IMPG2: variants seen among roughly 807,000 people sequenced by gnomAD.
IMPG2 encodes the protein interphotoreceptor matrix proteoglycan 2, also known as IPM 200.
A neutral mutation model predicts 129.2 loss-of-function variants in IMPG2; 91 were observed. The observed-to-expected ratio is 0.70, with a 90% CI of 0.59 to 0.84. The LOEUF (loss-of-function observed/expected upper bound fraction) is 0.84, where lower values mean the gene tolerates loss of function less well. Among genes scored for constraint, IMPG2 ranks in the 40% least tolerant of loss-of-function variants. The pLI is 0.00. For synonymous variants in IMPG2, 510 were observed against 517.7 expected (o/e 0.99, Z 0.20); for missense variants, 1,430 against 1,461.7 (o/e 0.98, Z 0.35).
intron 18 of IMPG2, among the ~76,000 whole-genome samples, chr3:101,227,197 T>C (rs1332728299): frequency 1.3e-5 from 2 of 152,168 alleles, no homozygotes; most frequent in Non-Finnish European, 2.9e-5. Flanking sequence ...TCAACTCCAT[T>C]AACATTTTTT....
intron 4 of IMPG2, among the ~76,000 whole-genome samples, chr3:101,287,545 T>C (rs1706961159): frequency 6.6e-6 from 1 of 151,894 alleles, no homozygotes; most frequent in African/African-American, 2.4e-5. Context: ...AACAGACAAA[T>C]AGACCAATGG....
At chr3:101,260,586 C>A (rs1452249284) in intron 9 of IMPG2, among the ~76,000 whole-genome samples, 1 of 152,132 alleles carries the variant, frequency 6.6e-6, no homozygotes, top group South Asian at 2.1e-4. Context: ...ACCATAGGCA[C>A]CTGCTCTGGT....
At chr3:101,238,301 A>G (rs1273915554) in intron 14 of IMPG2, among the ~76,000 whole-genome samples, 1 of 152,172 alleles carries the variant, frequency 6.6e-6, no homozygotes, top group African/African-American at 2.4e-5. Context: ...AGTCTGCAGG[A>G]TATTATCCAG....
intron 4 of IMPG2, 72 bp downstream of exon 4, chr3:101,291,407 G>A: frequency 1.6e-6 from 2 of 1,230,356 alleles, no homozygotes; most frequent in Non-Finnish European, 2.4e-6. Context: ...ATTAAATTTG[G>A]GGTGAGTCTT....
chr3:101,285,977 C>T (rs1430558033), intron 4 of IMPG2, among the ~76,000 whole-genome samples: 1 of 151,920 alleles, frequency 6.6e-6, no homozygotes, highest in African/African-American at 2.4e-5. Context: ...ATTTTTTAAT[C>T]TCTGAATGAT....
At chr3:101,305,018 A>T (rs1044441510) in intron 2 of IMPG2, among the ~76,000 whole-genome samples, 1 of 152,272 alleles carries the variant, frequency 6.6e-6, no homozygotes, top group South Asian at 2.1e-4. Context: ...ATACATAAAA[A>T]TTTATGTTCA....
chr3:101,313,414 G>A (rs962317216), intron 2 of IMPG2, among the ~76,000 whole-genome samples: 7 of 152,104 alleles, frequency 4.6e-5, no homozygotes, highest in African/African-American at 1.7e-4. Context: ...TAACTAAACA[G>A]TTCAGAATTC....
chr3:101,275,662 C>T lies in IMPG2; in HGVS notation c.666+1G>A. The stretch of plus-strand genomic sequence containing the variant: ...AACTAACAAAACAGAGCATCACTCA[C>T]ACTCTCCTCTGGCCTTTCCAAGCTG... On this transcript the variant is annotated splice_donor_variant, in intron 6 of 18. Transcript: ENST00000193391. LOFTEE classifies it high-confidence loss of function. 1 of 1,602,190 alleles carries T rather than the reference C, an allele frequency of 6.2e-7. No individual in the cohort carries two copies. Among genetic ancestry groups the T allele is most frequent in the Non-Finnish European group, 8.6e-7 (1 of 1,168,988 alleles).
chr3:101,285,975 A>T (rs567983), intron 4 of IMPG2, among the ~76,000 whole-genome samples: 110,039 of 151,952 alleles, frequency 0.72, 40,839 homozygotes, highest in East Asian at 0.84. Context: ...TGATTTTTTA[A>T]TCTCTGAATG....
In IMPG2 at chr3:101,257,916, GACA is replaced by G. The variant is rs1351521908; in HGVS notation, c.909-146_909-144del. The G allele has an allele frequency of 8.7e-6, 8 of 924,590 alleles. 1 individual carries two copies. Among genetic ancestry groups the G allele is most frequent in the South Asian group, 7.5e-5 (5 of 66,762 alleles). 57.3% of individuals were successfully genotyped at this position (924,590 alleles called of 1,614,324 possible). A position where few individuals can be genotyped will look rare whatever the true frequency, so the allele number is the denominator to read the frequency against. Reference sequence around the variant, plus strand: ...CCATCACTTTTCTCTGAAAAGCCTGGACAACATTTTGCCATCCTCTCCTCCTTC... The same window carrying G: ...CCATCACTTTTCTCTGAAAAGCCTGGACATTTTGCCATCCTCTCCTCCTTC... On this transcript the variant is annotated intron_variant, in intron 9 of 18. Transcript: ENST00000193391.
At chr3:101,229,306 A>ACCCCCCCCCCC in intron 17 of IMPG2, 74 bp downstream of exon 17, 3 of 362,588 alleles carry the variant, frequency 8.3e-6, no homozygotes, top group South Asian at 2.0e-5. Context: ...ACACACCCCC[A>ACCCCCCCCCCC]CCCACCACCC....
chr3:101,268,620 CAT>C (rs10631743), intron 8 of IMPG2, among the ~76,000 whole-genome samples: 2 of 149,696 alleles, frequency 1.3e-5, no homozygotes, highest in African/African-American at 2.4e-5. Flanking sequence ...TGTAAATATA[CAT>C]ATATATATAT....
chr3:101,230,469 G>A (rs548583825), intron 16 of IMPG2, among the ~76,000 whole-genome samples: 1 of 152,314 alleles, frequency 6.6e-6, no homozygotes, highest in Non-Finnish European at 1.5e-5. Flanking sequence ...GGTCCTCCCT[G>A]AAGGGAAATT....
intron 11 of IMPG2, among the ~76,000 whole-genome samples, chr3:101,249,508 A>T (rs564236781): frequency 6.6e-6 from 1 of 152,180 alleles, no homozygotes; most frequent in Admixed American, 6.5e-5. Flanking sequence ...AAGAAAAGTG[A>T]TAAAAAGTAT....
At chr3:101,303,739 C>T (rs1309328482) in intron 3 of IMPG2, among the ~76,000 whole-genome samples, 1 of 152,140 alleles carries the variant, frequency 6.6e-6, no homozygotes, top group Non-Finnish European at 1.5e-5. Flanking sequence ...GAACTATGTC[C>T]TCTATCTTAA....
At chr3:101,253,657 C>T (rs768138296) in intron 11 of IMPG2, 39 bp downstream of exon 11, 8 of 1,391,416 alleles carry the variant, frequency 5.7e-6, no homozygotes, top group South Asian at 1.2e-5. Flanking sequence ...AGAAGAGAAG[C>T]TTGAGGGCCT....
At chr3:101,258,674 C>A (rs921048538) in intron 9 of IMPG2, among the ~76,000 whole-genome samples, 1 of 152,190 alleles carries the variant, frequency 6.6e-6, no homozygotes, top group South Asian at 2.1e-4. Flanking sequence ...CTCCATCAAC[C>A]TTTCCACAAG....
At chr3:101,255,176 A>C (rs1706585370) in intron 10 of IMPG2, among the ~76,000 whole-genome samples, 1 of 152,118 alleles carries the variant, frequency 6.6e-6, no homozygotes, top group Non-Finnish European at 1.5e-5. Context: ...GGAGGATCAT[A>C]TCTTTTGAGA....
At chr3:101,313,922 G>A (rs1470494993) in intron 2 of IMPG2, among the ~76,000 whole-genome samples, 1 of 151,922 alleles carries the variant, frequency 6.6e-6, no homozygotes, top group East Asian at 1.9e-4. Context: ...ACAAAAATCA[G>A]TTGTATTTCT....
Sources: allele counts gnomAD v4.1 joint callset (sites outside exome capture counted in the v4.1 genomes callset), GRCh38; gene constraint gnomAD v4.1.1; transcripts MANE v1.5; gene names NCBI Gene and HGNC (gene_info 2026-07-23, HGNC 2026-07-21).